DAB1: variants seen among roughly 807,000 people sequenced by gnomAD.
DAB1 encodes DAB adaptor protein 1.
A neutral mutation model predicts 64.6 loss-of-function variants in DAB1; 15 were observed. The ratio of observed to expected loss-of-function variants is 0.23; its 90% CI spans 0.16 to 0.36. The LOEUF (loss-of-function observed/expected upper bound fraction) is 0.36. Ranked by LOEUF, DAB1 falls within the 10% of genes least tolerant of loss-of-function variation. The probability of loss-of-function intolerance (pLI) is 1.00; values close to 1 mark genes in which losing one functional copy is unlikely to be tolerated. For synonymous variants in DAB1, 235 were observed against 251.9 expected (o/e 0.93, Z 0.64); for missense variants, 596 against 706.7 (o/e 0.84, Z 1.78).
At chr1:58,321,720 C>T (rs1008326223) in intron 4 of DAB1, among the ~76,000 whole-genome samples, 4 of 152,254 alleles carry the variant, frequency 2.6e-5, no homozygotes, top group African/African-American at 9.6e-5. Flanking sequence ...GGGGCATCCA[C>T]CATTGCTGAG....
chr1:57,275,746 A>G (rs1671407429), intron 2 of DAB1, among the ~76,000 whole-genome samples: 1 of 152,230 alleles, frequency 6.6e-6, no homozygotes, highest in Non-Finnish European at 1.5e-5. Flanking sequence ...CCCAGTGGTG[A>G]CATGCCCGCA....
At chr1:57,028,153 G>A (rs969675640) in intron 9 of DAB1, among the ~76,000 whole-genome samples, 2 of 152,142 alleles carry the variant, frequency 1.3e-5, no homozygotes, top group African/African-American at 4.8e-5. Context: ...CCCACATGTT[G>A]TGGGAGGGAC....
chr1:58,074,563 T>TAC (rs1226794335), intron 5 of DAB1: 2 of 43,296 alleles, frequency 4.6e-5, no homozygotes, highest in African/African-American at 1.8e-4. Context: ...TATATATGTG[T>TAC]GTATATATAT....
chr1:57,341,057 C>A (rs1677536444), intron 1 of DAB1, among the ~76,000 whole-genome samples: 1 of 152,128 alleles, frequency 6.6e-6, no homozygotes, highest in Admixed American at 6.5e-5. Context: ...GTTCTAAGAG[C>A]AGCAGCATGA....
intron 1 of DAB1, among the ~76,000 whole-genome samples, chr1:58,545,418 C>A (rs746774384): frequency 6.6e-6 from 1 of 152,000 alleles, no homozygotes; most frequent in Admixed American, 6.6e-5. Flanking sequence ...TTTGTAATAC[C>A]CGGTTTATCC....
At chr1:58,501,207 T>C (rs1315504683) in intron 3 of DAB1, among the ~76,000 whole-genome samples, 2 of 152,188 alleles carry the variant, frequency 1.3e-5, no homozygotes, top group Non-Finnish European at 2.9e-5. Flanking sequence ...TTTAGGCAAT[T>C]TATACATGTT....
In DAB1 at chr1:57,671,006, C is replaced by T. The variant is rs181010789; in HGVS notation, n.552-21341G>A. Reference sequence around the variant, plus strand: ...ATCATTTATAATACCTAATACAATGCCTACATGTCACTTCATTCACATGGA... The same window carrying T: ...ATCATTTATAATACCTAATACAATGTCTACATGTCACTTCATTCACATGGA... On this transcript the variant is annotated intron_variant and non_coding_transcript_variant, in intron 6 of 20. Transcript: ENST00000485760. Among the ~76,000 whole-genome samples the T allele has an allele frequency of 1.9e-3, 296 of 152,232 alleles. 1 individual carries two copies. The highest frequency in any genetic ancestry group is 6.8e-3 in the African/African-American group (281 of 41,556).
intron 5 of DAB1, among the ~76,000 whole-genome samples, chr1:57,903,702 TC>T (rs574229039): frequency 7.9e-4 from 121 of 152,294 alleles, no homozygotes; most frequent in African/African-American, 2.8e-3. Context: ...ATGTCACGTC[TC>T]CCTCACTACT....
chr1:58,070,797 G>A (rs578120777), intron 5 of DAB1, among the ~76,000 whole-genome samples: 2 of 152,214 alleles, frequency 1.3e-5, no homozygotes, highest in African/African-American at 2.4e-5. Flanking sequence ...TCACAGTCAG[G>A]CTGGAACATG....
chr1:58,064,540 C>G (rs985238027), intron 5 of DAB1, among the ~76,000 whole-genome samples: 1 of 152,168 alleles, frequency 6.6e-6, no homozygotes, highest in African/African-American at 2.4e-5. Flanking sequence ...GGAAGGATTG[C>G]TCGTCAACCC....
chr1:57,384,877 T>C (rs1681680652), intron 1 of DAB1, among the ~76,000 whole-genome samples: 1 of 152,192 alleles, frequency 6.6e-6, no homozygotes, highest in Non-Finnish European at 1.5e-5. Context: ...ATGATAAATT[T>C]TACATGTACT....
intron 6 of DAB1, among the ~76,000 whole-genome samples, chr1:57,754,742 G>A (rs1210554663): frequency 6.6e-6 from 1 of 152,060 alleles, no homozygotes; most frequent in African/African-American, 2.4e-5. Flanking sequence ...AAACAATTGC[G>A]ATTCAAAGGT....
chr1:57,000,993 C>T (rs569378373), intron 14 of DAB1, among the ~76,000 whole-genome samples: 3 of 152,280 alleles, frequency 2.0e-5, no homozygotes, highest in South Asian at 2.1e-4. Flanking sequence ...ACAGCAGTAA[C>T]GACTGCAGTC....
intron 1 of DAB1, among the ~76,000 whole-genome samples, chr1:57,374,866 T>C (rs1370202823): frequency 6.6e-6 from 1 of 152,096 alleles, no homozygotes; most frequent in Non-Finnish European, 1.5e-5. Flanking sequence ...GGTCCGGGAG[T>C]GTAGCTAAAG....
At chr1:58,329,787 A>G (rs750086960) in intron 4 of DAB1, among the ~76,000 whole-genome samples, 3 of 152,148 alleles carry the variant, frequency 2.0e-5, no homozygotes, top group Non-Finnish European at 4.4e-5. Context: ...GTTTTGGGGC[A>G]CCGTGAATAG....
chr1:58,140,481 A>G (rs1654220569), intron 5 of DAB1, among the ~76,000 whole-genome samples: 1 of 152,162 alleles, frequency 6.6e-6, no homozygotes, highest in Non-Finnish European at 1.5e-5. Flanking sequence ...TCATAGACCA[A>G]GTGAAATTGC....
intron 4 of DAB1, among the ~76,000 whole-genome samples, chr1:58,243,760 G>A (rs768797430): frequency 6.6e-5 from 10 of 152,028 alleles, no homozygotes; most frequent in East Asian, 1.9e-4. Context: ...TCTGATCACC[G>A]TATTATAAAA....
At chr1:57,837,298 C>A (rs575947245) in intron 1 of DAB1, among the ~76,000 whole-genome samples, 1 of 152,314 alleles carries the variant, frequency 6.6e-6, no homozygotes, top group South Asian at 2.1e-4. Flanking sequence ...TTCCTCAAAT[C>A]TCCTTTTTGC....
At chr1:58,080,852 T>C (rs1557641739) in intron 5 of DAB1, among the ~76,000 whole-genome samples, 1 of 152,250 alleles carries the variant, frequency 6.6e-6, no homozygotes, top group East Asian at 1.9e-4. Flanking sequence ...TGATGTTTGC[T>C]ATCATACAAT....
Sources: allele counts gnomAD v4.1 joint callset (sites outside exome capture counted in the v4.1 genomes callset), GRCh38; gene constraint gnomAD v4.1.1; transcripts MANE v1.5; gene names NCBI Gene and HGNC (gene_info 2026-07-23, HGNC 2026-07-21).